Variants in INVS observed in about 807,000 individuals in gnomAD.
INVS encodes the protein inversion of embryo turning homolog.
A neutral mutation model predicts 108.8 loss-of-function variants in INVS; 86 were observed. The ratio of observed to expected loss-of-function variants is 0.79; its 90% CI spans 0.66 to 0.95. The LOEUF is 0.95. INVS is among the 40% of genes least tolerant of loss of function. The probability of loss-of-function intolerance (pLI) is 0.00; values close to 1 mark genes in which losing one functional copy is unlikely to be tolerated. For synonymous variants in INVS, 455 were observed against 473.5 expected (o/e 0.96, Z 0.51); for missense variants, 1,169 against 1,297.4 (o/e 0.90, Z 1.52).
chr9:100,299,954 C>T (rs1372209575), intron 16 of INVS, among the ~76,000 whole-genome samples: 1 of 152,118 alleles, frequency 6.6e-6, no homozygotes, highest in Non-Finnish European at 1.5e-5. Context: ...AACTACTAAA[C>T]CTTTAATGTA....
rs544920258 is a variant in INVS at position 100,231,722 on chromosome 9, A to G, written c.615+1895A>G. ...GGCTGCATAGTATTCCATGGTGTAT[A>G]TGTGCCACATTTTCTTTATCCAGTC... On this transcript the variant is annotated intron_variant, in intron 5 of 16. Transcript: ENST00000262457. Among the ~76,000 whole-genome samples, 550 of 152,272 alleles carry G rather than the reference A, an allele frequency of 3.6e-3. 1 individual carries two copies. Among genetic ancestry groups the G allele is most frequent in the Non-Finnish European group, 6.1e-3 (412 of 68,014 alleles).
chr9:100,129,785 T>G, intron 3 of INVS: 2 of 640,310 alleles, frequency 3.1e-6, no homozygotes, highest in Non-Finnish European at 2.9e-6. Flanking sequence ...TTTATGACAT[T>G]TTCCAAACTG....
intron 14 of INVS, among the ~76,000 whole-genome samples, chr9:100,293,548 A>G (rs1165876011): frequency 6.6e-6 from 1 of 152,192 alleles, no homozygotes; most frequent in Non-Finnish European, 1.5e-5. Context: ...TCATACTCCA[A>G]ACACCTAAAC....
In INVS at chr9:100,110,292, T is replaced by C. The variant is rs1261946149; in HGVS notation, c.106+5665T>C. On this transcript the variant is annotated intron_variant, in intron 2 of 16. Transcript: ENST00000262457. ...TATGAAGAGTTTGGGGTATTAGTAT[T>C]ACCCTCATTTTTAAATAAGGAAATT... 8.5e-5 allele frequency among the ~76,000 whole-genome samples: 13 copies of C among 152,338 alleles called. No homozygotes were observed. The East Asian group carries it at 2.5e-3, about 29-fold the overall frequency.
rs1166776934 is a variant in INVS at position 100,100,952 on chromosome 9, ATATT to A, written c.-25+1537_-25+1540del. On this transcript the variant is annotated intron_variant, in intron 1 of 16. Coordinates refer to ENST00000262457, the MANE Select transcript of INVS (RefSeq NM_014425.5). Reference sequence around the variant, plus strand: ...TAATATATATAATATATATACATATATATTATATATATAATATATATTATATATA... The same window carrying A: ...TAATATATATAATATATATACATATAATATATATAATATATATTATATATA... Among the ~76,000 whole-genome samples, 5 of 37,820 alleles carry A rather than the reference ATATT, an allele frequency of 1.3e-4. No homozygotes were observed. The East Asian group carries it at 0.021, about 156-fold the overall frequency. The allele number at this position is 37,820 out of a possible 152,430, so 24.8% of individuals were successfully genotyped here.
intron 3 of INVS, 137 bp from the exon 4 acceptor site, chr9:100,225,925 A>G (rs1831303173): frequency 3.1e-6 from 2 of 638,774 alleles, no homozygotes; most frequent in Admixed American, 3.0e-5. Flanking sequence ...GTGGAATTAC[A>G]AGCATTTTTC....
At chr9:100,175,291 G>T in intron 3 of INVS, 1 of 687,094 alleles carries the variant, frequency 1.5e-6, no homozygotes. Context: ...ATCCATCCTT[G>T]CATATATCTT....
chr9:100,108,557 A>G (rs1827246937), intron 2 of INVS, among the ~76,000 whole-genome samples: 1 of 152,216 alleles, frequency 6.6e-6, no homozygotes, highest in Non-Finnish European at 1.5e-5. Flanking sequence ...CTTTTTATGT[A>G]TCACATATTT....
At chr9:100,209,507 A>G (rs1194103725) in intron 3 of INVS, among the ~76,000 whole-genome samples, 1 of 152,154 alleles carries the variant, frequency 6.6e-6, no homozygotes, top group Non-Finnish European at 1.5e-5. Context: ...GCAGTGGCTC[A>G]TGCCTGTAAT....
At chr9:100,111,756 C>CA (rs1441725515) in intron 2 of INVS, among the ~76,000 whole-genome samples, 1 of 150,286 alleles carries the variant, frequency 6.7e-6, no homozygotes, top group Non-Finnish European at 1.5e-5. Flanking sequence ...GTAGATTGGA[C>CA]AAGTATTAGC....
chr9:100,155,160 G>A (rs901887946), intron 3 of INVS, among the ~76,000 whole-genome samples: 4 of 150,062 alleles, frequency 2.7e-5, no homozygotes, highest in African/African-American at 2.5e-5. Flanking sequence ...GCAGAGAGCC[G>A]AGATAGTGCC....
At chr9:100,229,590 G>A in intron 4 of INVS, 70 bp from the exon 5 acceptor site, 1 of 1,376,718 alleles carries the variant, frequency 7.3e-7, no homozygotes, top group Non-Finnish European at 1.0e-6. Flanking sequence ...AACAGTGCCT[G>A]TCCCACAATA....
At chr9:100,117,423 TG>T in intron 2 of INVS, 1 of 791,462 alleles carries the variant, frequency 1.3e-6, no homozygotes, top group Non-Finnish European at 2.2e-6. Flanking sequence ...TTCATGTCCT[TG>T]ACCAAGCGGC....
intron 3 of INVS, among the ~76,000 whole-genome samples, chr9:100,216,341 C>T (rs778645958): frequency 6.6e-6 from 1 of 152,194 alleles, no homozygotes; most frequent in Non-Finnish European, 1.5e-5. Flanking sequence ...CACTCAGTCT[C>T]CTGGAGCTGT....
At chr9:100,270,748 CAAAA>C (rs746291227) in intron 11 of INVS, among the ~76,000 whole-genome samples, 1 of 47,184 alleles carries the variant, frequency 2.1e-5, no homozygotes, top group Non-Finnish European at 4.0e-5. Context: ...AACTCCATCT[CAAAA>C]AAAAAAAAAA....
intron 7 of INVS, among the ~76,000 whole-genome samples, chr9:100,243,275 C>T (rs557563439): frequency 1.3e-5 from 2 of 152,192 alleles, no homozygotes; most frequent in African/African-American, 2.4e-5. Context: ...AACTGTATTA[C>T]CTTACACAAG....
chr9:100,126,430 C>T lies in INVS; in HGVS notation c.154C>T (p.Leu52Phe), dbSNP rs758283111. The T allele has an allele frequency of 5.0e-6, 8 of 1,614,056 alleles. No individual in the cohort carries two copies. In the South Asian group the frequency reaches 8.8e-5, roughly 18 times the overall value. Residue 52 changes from leucine to phenylalanine, a missense_variant, in exon 3 of 17, where the codon CTT becomes TTT. Physicochemically the swap from Leu to Phe is conservative, Grantham distance 22 (BLOSUM62 0). Around this residue, in one of 3 missense-constraint regions of INVS, gnomAD observed 365 missense variants for 397.5 expected, o/e 0.92. Coordinates refer to ENST00000262457, the MANE Select transcript of INVS (RefSeq NM_014425.5). ...AGAAGATCAGTTTGGGAGAACACCA[C>T]TTATGTATTGCGTGTTGGCTGACAG... ...DKEDQFGRTP[L>F]MYCVLADRLD...
chr9:100,270,300 A>G (rs1287263407), intron 11 of INVS, among the ~76,000 whole-genome samples: 1 of 152,172 alleles, frequency 6.6e-6, no homozygotes, highest in Admixed American at 6.5e-5. Context: ...TGTTTCCAAA[A>G]TTTATGAAGA....
chr9:100,270,615 G>A (rs946896228), intron 11 of INVS, among the ~76,000 whole-genome samples: 2 of 151,984 alleles, frequency 1.3e-5, no homozygotes, highest in African/African-American at 2.4e-5. Context: ...GGGTGTGATG[G>A]CATGTGCCTG....
Sources: allele counts gnomAD v4.1 joint callset (sites outside exome capture counted in the v4.1 genomes callset), GRCh38; gene constraint gnomAD v4.1.1; regional missense constraint gnomAD v4.1.1; transcripts MANE v1.5; gene names NCBI Gene and HGNC (gene_info 2026-07-23, HGNC 2026-07-21).